Variants in CHEK2 observed in about 807,000 individuals in gnomAD.
The protein encoded by CHEK2 is serine/threonine-protein kinase Chk2.
CHEK2 carries 71 observed loss-of-function variants against 69.1 expected under a neutral mutation model. The ratio of observed to expected loss-of-function variants is 1.03; its 90% CI spans 0.85 to 1.25. The LOEUF (loss-of-function observed/expected upper bound fraction) is 1.25, where lower values mean the gene tolerates loss of function less well. Among genes scored for constraint, CHEK2 ranks in the 50% most tolerant of loss-of-function variants. The pLI, the probability that CHEK2 is intolerant of heterozygous loss-of-function variation, is 0.00. For synonymous variants in CHEK2, 189 were observed against 226.9 expected, an observed-to-expected ratio of 0.83 and a Z score of 1.50; for missense variants, 664 against 649.6, an observed-to-expected ratio of 1.02 and a Z score of -0.24.
Position 28,723,603 on chromosome 22 carries a change from AAAAAAAAG to A in CHEK2, c.592+1366_592+1373del, listed in dbSNP as rs1471244968. Among the ~76,000 whole-genome samples the A allele has an allele frequency of 3.8e-4, 54 of 142,496 alleles. 1 individual carries two copies. The highest frequency in any genetic ancestry group is 1.3e-3 in the African/African-American group (52 of 38,696). The allele number at this position is 142,496 out of a possible 152,430, so 93.5% of individuals were successfully genotyped here. On this transcript the variant is annotated intron_variant, in intron 4 of 14. Transcript: ENST00000404276. Reference sequence around the variant, plus strand: ...ACAGAGCAAGGCTCCGTCACAAGGAAAAAAAAAGAAAAAAAAAAAAAAGGAGCTCAATA... The same window carrying A: ...ACAGAGCAAGGCTCCGTCACAAGGAAAAAAAAAAAAAAAAGGAGCTCAATA...
chr22:28,697,954 T>C (rs1234082396), intron 9 of CHEK2, among the ~76,000 whole-genome samples: 3 of 151,938 alleles, frequency 2.0e-5, no homozygotes, highest in Non-Finnish European at 2.9e-5. Flanking sequence ...TTACTCAATA[T>C]AAATAAATGG....
chr22:28,698,337 G>C (rs1435429330), intron 9 of CHEK2, among the ~76,000 whole-genome samples: 1 of 151,750 alleles, frequency 6.6e-6, no homozygotes, highest in Non-Finnish European at 1.5e-5. Context: ...GGAGGTTGTA[G>C]TGAGCCGAGA....
chr22:28,691,070 C>T (rs1488496046), intron 13 of CHEK2, among the ~76,000 whole-genome samples: 9 of 152,340 alleles, frequency 5.9e-5, no homozygotes, highest in East Asian at 1.9e-4. Flanking sequence ...CACCCTCTCA[C>T]GGCCTTACTT....
At chr22:28,728,162 A>G (rs1220770194) in intron 2 of CHEK2, 1 of 152,218 alleles carries the variant, frequency 6.6e-6, no homozygotes, top group Non-Finnish European at 1.5e-5. Context: ...AAATTTAGTT[A>G]GTTAAAAAGA....
At chr22:28,736,773 G>GC (rs1163607634) in intron 1 of CHEK2, among the ~76,000 whole-genome samples, 1 of 61,234 alleles carries the variant, frequency 1.6e-5, no homozygotes, top group African/African-American at 6.3e-5. Context: ...GACCCCCCCC[G>GC]CCCCCCGTAC....
In CHEK2 at chr22:28,719,565, T is replaced by A. The variant is rs944310912; in HGVS notation, c.593-80A>T. ...CACTGATTCTAAAATTTATTCATCA[T>A]ATGGAATATAAGAACTGTTTTTAAC... On this transcript the variant is annotated intron_variant, in intron 4 of 14. Transcript: ENST00000404276. The A allele has an allele frequency of 1.2e-5, 10 of 808,984 alleles. No homozygotes were observed. In the South Asian group the frequency reaches 1.5e-4, roughly 12 times the overall value. The allele number at this position is 808,984 out of a possible 1,614,324, so 50.1% of individuals were successfully genotyped here.
chr22:28,703,400 G>A (rs113476784), intron 8 of CHEK2, 105 bp downstream of exon 8: 160 of 712,014 alleles, frequency 2.2e-4, no homozygotes, highest in South Asian at 1.0e-3. Flanking sequence ...ACATACATAC[G>A]TTGAGGCCCC....
chr22:28,723,950 G>GA (rs1286090643), intron 4 of CHEK2, among the ~76,000 whole-genome samples: 2 of 151,100 alleles, frequency 1.3e-5, no homozygotes. Context: ...AAGAAAGAAA[G>GA]AAAAAAATGA....
intron 7 of CHEK2, among the ~76,000 whole-genome samples, 165 bp from the exon 8 acceptor site, chr22:28,703,731 C>G: frequency 6.6e-6 from 1 of 152,192 alleles, no homozygotes; most frequent in African/African-American, 2.4e-5. Flanking sequence ...CAGACAGAAT[C>G]TAGCCAACTC....
chr22:28,732,563 A>G (rs1413349004), intron 2 of CHEK2, among the ~76,000 whole-genome samples: 1 of 152,134 alleles, frequency 6.6e-6, no homozygotes, highest in Non-Finnish European at 1.5e-5. Context: ...ATATATTTTA[A>G]ATCAGTTAAA....
At chr22:28,734,824 A>AT (rs2054346972) in intron 1 of CHEK2, 97 bp from the exon 2 acceptor site, 88 of 898,484 alleles carry the variant, frequency 9.8e-5, no homozygotes, top group Middle Eastern at 2.3e-4. Context: ...GCAAAAGAAA[A>AT]GAAAAAAAAA....
intron 9 of CHEK2, 55 bp downstream of exon 9, chr22:28,699,783 G>T (rs571141836): frequency 8.6e-7 from 1 of 1,160,222 alleles, no homozygotes; most frequent in South Asian, 1.2e-5. Context: ...CTAATTCAGG[G>T]AGTAATTCAA....
chr22:28,713,226 T>G (rs193201724), intron 5 of CHEK2, among the ~76,000 whole-genome samples: 1 of 152,360 alleles, frequency 6.6e-6, no homozygotes, highest in Admixed American at 6.5e-5. Context: ...CGGACATTTA[T>G]TTGGTTTGTT....
At chr22:28,703,454 T>A (rs2052969488) in intron 8 of CHEK2, 51 bp downstream of exon 8, 2 of 981,984 alleles carry the variant, frequency 2.0e-6, no homozygotes, top group Admixed American at 2.0e-5. Flanking sequence ...TTTGGTGGCT[T>A]TATAAAGCAT....
intron 2 of CHEK2, among the ~76,000 whole-genome samples, chr22:28,725,838 G>C (rs1285549132): frequency 1.3e-5 from 2 of 151,692 alleles, no homozygotes; most frequent in Non-Finnish European, 2.9e-5. Flanking sequence ...GAGCCCAGGA[G>C]GTCGAGGCTG....
intron 1 of CHEK2, among the ~76,000 whole-genome samples, chr22:28,735,972 G>A (rs1302506770): frequency 2.6e-5 from 4 of 151,972 alleles, no homozygotes; most frequent in South Asian, 2.1e-4. Context: ...CCAATATTTC[G>A]GGTGGTGGAG....
chr22:28,721,775 G>C, intron 4 of CHEK2: 1 of 339,036 alleles, frequency 2.9e-6, no homozygotes, highest in Non-Finnish European at 6.2e-6. Flanking sequence ...CTCTTGCCCA[G>C]GGAAGAGTAC....
intron 2 of CHEK2, among the ~76,000 whole-genome samples, chr22:28,725,776 G>T (rs1175740620): frequency 1.3e-5 from 2 of 152,112 alleles, no homozygotes; most frequent in Non-Finnish European, 2.9e-5. Context: ...GGGTGTGGTG[G>T]TGGGTCCCTG....
At chr22:28,688,040 A>G in intron 14 of CHEK2, 54 bp from the exon 15 acceptor site, 1 of 1,341,374 alleles carries the variant, frequency 7.5e-7, no homozygotes, top group Non-Finnish European at 1.0e-6. Flanking sequence ...TGGCTTCTTT[A>G]AGATTATCAA....
Sources: allele counts gnomAD v4.1 joint callset (sites outside exome capture counted in the v4.1 genomes callset), GRCh38; gene constraint gnomAD v4.1.1; transcripts MANE v1.5; gene names NCBI Gene and HGNC (gene_info 2026-07-23, HGNC 2026-07-21).